RANBP2: variants seen among roughly 807,000 people sequenced by gnomAD.
RANBP2 encodes the protein RAN binding protein 2, also known as E3 SUMO-protein ligase RanBP2.
A neutral mutation model predicts 303.6 loss-of-function variants in RANBP2; 57 were observed. The observed-to-expected ratio is 0.19, with a 90% CI of 0.15 to 0.23. The LOEUF is 0.23. RANBP2 is among the 10% of genes least tolerant of loss of function. The probability of loss-of-function intolerance (pLI) is 1.00; values close to 1 mark genes in which losing one functional copy is unlikely to be tolerated. For synonymous variants in RANBP2, 1,167 were observed against 1,301.5 expected (o/e 0.90, Z 2.23); for missense variants, 3,138 against 3,780.8 (o/e 0.83, Z 4.46).
chr2:108,779,880 C>T (rs915450054), intron 25 of RANBP2, among the ~76,000 whole-genome samples: 7 of 152,142 alleles, frequency 4.6e-5, no homozygotes. Context: ...ATCTACATTC[C>T]AGCATTAGCT....
At chr2:108,963,935 C>A in the RANBP2 span, among the ~76,000 whole-genome samples, 1 of 152,186 alleles carries the variant, frequency 6.6e-6, no homozygotes, top group Non-Finnish European at 1.5e-5. Flanking sequence ...GAGCATGGGC[C>A]AATCCTGGAC....
At chr2:108,893,401 G>A in the RANBP2 span, among the ~76,000 whole-genome samples, 1 of 152,058 alleles carries the variant, frequency 6.6e-6, no homozygotes, top group South Asian at 2.1e-4. Context: ...ATGGCTAAAG[G>A]GTTTTGACAC....
chr2:109,239,454 T>C, the RANBP2 span, among the ~76,000 whole-genome samples: 11 of 152,360 alleles, frequency 7.2e-5, no homozygotes, highest in African/African-American at 2.6e-4. Context: ...GCTCCTTGCC[T>C]CCAATCAAGT....
the RANBP2 span, among the ~76,000 whole-genome samples, chr2:108,991,351 C>T: frequency 9.7e-3 from 1,484 of 152,256 alleles, 19 homozygotes; most frequent in Middle Eastern, 0.02. Context: ...TTATACATTT[C>T]CTAAGAGACT....
chr2:108,969,891 A>C, the RANBP2 span, among the ~76,000 whole-genome samples: 5 of 152,236 alleles, frequency 3.3e-5, no homozygotes, highest in Non-Finnish European at 5.9e-5. Flanking sequence ...ACTGAGTTAG[A>C]GAAGGCTTCA....
the RANBP2 span, among the ~76,000 whole-genome samples, chr2:109,484,046 G>T: frequency 6.8e-6 from 1 of 148,110 alleles, no homozygotes. Flanking sequence ...AGGCACCAAG[G>T]TGTGCCATCC....
chr2:109,007,099 C>A, the RANBP2 span, among the ~76,000 whole-genome samples: 7 of 152,138 alleles, frequency 4.6e-5, no homozygotes, highest in Admixed American at 4.6e-4. Context: ...TAAAGAAGCC[C>A]GACCTGGAAA....
At chr2:109,564,439 A>G in the RANBP2 span, 2 of 1,599,308 alleles carry the variant, frequency 1.3e-6, no homozygotes, top group South Asian at 1.1e-5. Flanking sequence ...TAAAGCTCAT[A>G]GTGCCTGGTA....
the RANBP2 span, among the ~76,000 whole-genome samples, chr2:109,166,459 G>GAAAAAAAAAA: frequency 1.5e-5 from 2 of 134,320 alleles, no homozygotes; most frequent in South Asian, 2.5e-4. Flanking sequence ...CCTGGTGACA[G>GAAAAAAAAAA]AAAAAAAAAA....
the RANBP2 span, among the ~76,000 whole-genome samples, chr2:109,293,009 G>A: frequency 6.6e-6 from 1 of 152,192 alleles, no homozygotes; most frequent in African/African-American, 2.4e-5. Flanking sequence ...TGGGATTACA[G>A]GCGTGAGGCA....
chr2:108,897,874 GA>G, the RANBP2 span, among the ~76,000 whole-genome samples: 1 of 152,146 alleles, frequency 6.6e-6, no homozygotes, highest in Admixed American at 6.5e-5. Context: ...ACAAATACAA[GA>G]AGTCTGAAAA....
the RANBP2 span, among the ~76,000 whole-genome samples, chr2:108,942,425 T>C: frequency 6.6e-6 from 1 of 152,182 alleles, no homozygotes; most frequent in African/African-American, 2.4e-5. Context: ...TCAAGGGGCC[T>C]GGGCGTGGAT....
chr2:109,086,071 T>G, the RANBP2 span, among the ~76,000 whole-genome samples: 1 of 152,258 alleles, frequency 6.6e-6, no homozygotes, highest in Non-Finnish European at 1.5e-5. Flanking sequence ...CATAACGTCC[T>G]CAAGTTTCAT....
the RANBP2 span, among the ~76,000 whole-genome samples, chr2:108,934,602 G>A: frequency 6.6e-6 from 1 of 152,180 alleles, no homozygotes; most frequent in Non-Finnish European, 1.5e-5. Flanking sequence ...AAGTCCAAGA[G>A]CGACTGGCTG....
the RANBP2 span, among the ~76,000 whole-genome samples, chr2:108,914,185 G>T: frequency 2.0e-5 from 3 of 150,600 alleles, no homozygotes; most frequent in South Asian, 2.1e-4. Context: ...GCTTGAACCC[G>T]GGAGGTGGAG....
the RANBP2 span, among the ~76,000 whole-genome samples, chr2:109,339,524 G>T: frequency 1.3e-3 from 195 of 152,274 alleles, 1 homozygote; most frequent in African/African-American, 4.2e-3. Context: ...TGCCCAAAAG[G>T]CCGGTGGAAA....
chr2:109,107,949 A>G, the RANBP2 span, among the ~76,000 whole-genome samples: 1 of 152,066 alleles, frequency 6.6e-6, no homozygotes, highest in Non-Finnish European at 1.5e-5. Flanking sequence ...TCTGTCGCCC[A>G]GGCTGGAGTG....
the RANBP2 span, chr2:109,613,661 G>C: frequency 3.6e-6 from 2 of 551,674 alleles, no homozygotes; most frequent in Admixed American, 4.8e-5. Flanking sequence ...GGAAGCCGGG[G>C]AGCACTGGGC....
the RANBP2 span, among the ~76,000 whole-genome samples, chr2:109,690,800 C>G: frequency 6.6e-6 from 1 of 152,144 alleles, no homozygotes; most frequent in Non-Finnish European, 1.5e-5. Context: ...TAGAATTCTG[C>G]TAAGCCTAGG....
Sources: gnomAD v4.1 joint callset for allele counts (sites outside exome capture counted in the v4.1 genomes callset) on GRCh38, gnomAD v4.1.1 for gene constraint, MANE v1.5 for transcripts, NCBI Gene and HGNC (gene_info 2026-07-23, HGNC 2026-07-21) for gene names.